CNTNAP2: variants seen among roughly 807,000 people sequenced by gnomAD.
The protein encoded by CNTNAP2 is contactin associated protein 2, also known as contactin-associated protein-like 2.
A neutral mutation model predicts 155.2 loss-of-function variants in CNTNAP2; 98 were observed. That is an observed-to-expected ratio of 0.63 (90% CI 0.54 to 0.75). The LOEUF (loss-of-function observed/expected upper bound fraction) is 0.75, where lower values mean the gene tolerates loss of function less well. Among genes scored for constraint, CNTNAP2 ranks in the 30% least tolerant of loss-of-function variants. The pLI, the probability that CNTNAP2 is intolerant of heterozygous loss-of-function variation, is 0.00. For missense variants in CNTNAP2, 1,727 were observed against 1,688.1 expected, an observed-to-expected ratio of 1.02 and a Z score of -0.40; for synonymous variants, 651 against 631.2, an observed-to-expected ratio of 1.03 and a Z score of -0.47.
At chr7:146,156,504 T>C (rs1003271629) in intron 1 of CNTNAP2, among the ~76,000 whole-genome samples, 5 of 152,236 alleles carry the variant, frequency 3.3e-5, no homozygotes, top group African/African-American at 9.6e-5. Context: ...CTTTCGCCTA[T>C]GCTAAACTTA....
At chr7:146,256,950 A>T (rs1054023863) in intron 1 of CNTNAP2, among the ~76,000 whole-genome samples, 22 of 152,226 alleles carry the variant, frequency 1.4e-4, no homozygotes, top group African/African-American at 5.1e-4. Flanking sequence ...TAGAAATGGC[A>T]TCCATAGGAT....
chr7:147,564,347 A>T (rs972504089), intron 12 of CNTNAP2, among the ~76,000 whole-genome samples: 2 of 152,164 alleles, frequency 1.3e-5, no homozygotes, highest in South Asian at 4.1e-4. Flanking sequence ...TTAATCTAAG[A>T]GTTCACTGAC....
Position 146,856,083 on chromosome 7 carries a change from A to C in CNTNAP2, c.402+16179A>C, listed in dbSNP as rs79783180. On this transcript the variant is annotated intron_variant, in intron 3 of 23. Transcript: ENST00000361727. The stretch of plus-strand genomic sequence containing the variant: ...AGAAAGAAAGGAAAAATGATGGTTA[A>C]TACAAAATTACATAAGAGCCAACTT... Among the ~76,000 whole-genome samples the C allele has an allele frequency of 1.9e-3, 127 of 66,048 alleles. 2 individuals carry two copies. In the East Asian group the frequency reaches 0.033, roughly 17 times the overall value. The allele number at this position is 66,048 out of a possible 152,430, so 43.3% of individuals were successfully genotyped here.
chr7:146,759,596 G>A (rs572512712), intron 1 of CNTNAP2, among the ~76,000 whole-genome samples: 16 of 149,284 alleles, frequency 1.1e-4, no homozygotes, highest in Non-Finnish European at 2.1e-4. Flanking sequence ...TCAGGAGGCC[G>A]AGGCAGGAGA....
chr7:146,373,457 A>G, intron 1 of CNTNAP2, among the ~76,000 whole-genome samples: 1 of 151,966 alleles, frequency 6.6e-6, no homozygotes, highest in Non-Finnish European at 1.5e-5. Flanking sequence ...CAAAGCATCA[A>G]AGGAAGCAAA....
rs953143089 is a variant in CNTNAP2 at position 146,166,653 on chromosome 7, T to A, written c.97+49680T>A. Among the ~76,000 whole-genome samples, 3 of 152,222 alleles carry A rather than the reference T, an allele frequency of 2.0e-5. No individual in the cohort carries two copies. The East Asian group carries it at 5.8e-4, about 29-fold the overall frequency. Reference sequence around the variant, plus strand: ...ACTAGAAAATAAACTTGGAAATTAATGAACATTTAAGCTATTTTTAAAAAA... The same window carrying A: ...ACTAGAAAATAAACTTGGAAATTAAAGAACATTTAAGCTATTTTTAAAAAA... On this transcript the variant is annotated intron_variant, in intron 1 of 23. Transcript: ENST00000361727.
intron 12 of CNTNAP2, among the ~76,000 whole-genome samples, chr7:147,608,016 G>A (rs1029640758): frequency 2.0e-5 from 3 of 152,056 alleles, no homozygotes; most frequent in African/African-American, 7.2e-5. Context: ...CTTATTTTGT[G>A]TATCTTCTTC....
At chr7:146,788,683 TTAGA>T (rs368336388) in intron 2 of CNTNAP2, among the ~76,000 whole-genome samples, 172 of 152,272 alleles carry the variant, frequency 1.1e-3, no homozygotes, top group South Asian at 3.3e-3. Context: ...TTTTTTTTAA[TTAGA>T]TAGATCAGTC....
In CNTNAP2 at chr7:148,061,358, A is replaced by G. The variant is rs1294138783; in HGVS notation, c.2384-56760A>G. Among the ~76,000 whole-genome samples, 6 of 151,488 alleles carry G rather than the reference A, an allele frequency of 4.0e-5. No homozygotes were observed. The South Asian group carries it at 8.4e-4, about 21-fold the overall frequency. On this transcript the variant is annotated intron_variant, in intron 15 of 23. Transcript: ENST00000361727. ...AAAGTGCCCACTTTTTAAATTTTTTATTATTTATTTTTTGAGACAGACTGT... is the reference window on the plus strand; with the variant it reads ...AAAGTGCCCACTTTTTAAATTTTTTGTTATTTATTTTTTGAGACAGACTGT...
At chr7:148,128,805 C>G (rs977052540) in intron 16 of CNTNAP2, among the ~76,000 whole-genome samples, 1 of 152,168 alleles carries the variant, frequency 6.6e-6, no homozygotes, top group African/African-American at 2.4e-5. Flanking sequence ...AGTGACATCT[C>G]TCTACAGATT....
chr7:146,467,651 C>A (rs978214666), intron 1 of CNTNAP2, among the ~76,000 whole-genome samples: 2 of 152,106 alleles, frequency 1.3e-5, no homozygotes, highest in Admixed American at 1.3e-4. Flanking sequence ...TGTTAGTTTC[C>A]TGATTTATAA....
Position 147,300,135 on chromosome 7 carries a change from T to C in CNTNAP2, c.1349-6T>C. 1 of 1,613,948 alleles carries C rather than the reference T, an allele frequency of 6.2e-7. No homozygotes were observed. The highest frequency in any genetic ancestry group is 8.5e-7 in the Non-Finnish European group (1 of 1,179,876). On this transcript the variant is annotated splice_polypyrimidine_tract_variant and splice_region_variant and intron_variant, in intron 8 of 23. Transcript: ENST00000361727. ...ATAAAAATGACTTTTATCTTGTACT[T>C]ACCAGGTTCTGGGTTGAATGATGGA...
At chr7:146,787,802 G>C (rs1448892110) in intron 2 of CNTNAP2, among the ~76,000 whole-genome samples, 1 of 152,070 alleles carries the variant, frequency 6.6e-6, no homozygotes, top group African/African-American at 2.4e-5. Flanking sequence ...TGCATTTACA[G>C]TCCTTTAGCT....
chr7:146,986,632 G>A lies in CNTNAP2; in HGVS notation c.403-57275G>A, dbSNP rs10276018. On this transcript the variant is annotated intron_variant, in intron 3 of 23. Coordinates refer to ENST00000361727, the MANE Select transcript of CNTNAP2 (RefSeq NM_014141.6). ...TTACATTCCCGCTAGCAGTGTAGAA[G>A]TGTTCCCTCTTCACTCCATCCACGC... Among the ~76,000 whole-genome samples the A allele has an allele frequency of 1.6e-3, 246 of 152,262 alleles. 1 individual carries two copies. The highest frequency in any genetic ancestry group is 5.6e-3 in the African/African-American group (233 of 41,560).
intron 22 of CNTNAP2, among the ~76,000 whole-genome samples, chr7:148,384,947 T>TATTA (rs1409811747): frequency 6.6e-6 from 1 of 152,226 alleles, no homozygotes; most frequent in African/African-American, 2.4e-5. Context: ...AATCTAATAT[T>TATTA]ATTATATTAG....
intron 15 of CNTNAP2, among the ~76,000 whole-genome samples, chr7:148,063,079 A>C (rs1803186474): frequency 6.6e-6 from 1 of 152,146 alleles, no homozygotes; most frequent in Non-Finnish European, 1.5e-5. Flanking sequence ...TATGTATCAG[A>C]ATATTATTTT....
chr7:148,109,356 T>G (rs1055224100), intron 15 of CNTNAP2, among the ~76,000 whole-genome samples: 1 of 127,062 alleles, frequency 7.9e-6, no homozygotes, highest in Non-Finnish European at 1.7e-5. Flanking sequence ...GAGAGGTGTT[T>G]TGTTTTGTTT....
intron 9 of CNTNAP2, among the ~76,000 whole-genome samples, chr7:147,332,230 AT>A (rs770927275): frequency 3.0e-4 from 46 of 152,306 alleles, no homozygotes; most frequent in African/African-American, 1.1e-3. Context: ...TATATGTACT[AT>A]GATGCGCTCT....
rs1256424994 is a variant in CNTNAP2 at position 146,173,381 on chromosome 7, T to C, written c.97+56408T>C. On this transcript the variant is annotated intron_variant, in intron 1 of 23. Coordinates refer to ENST00000361727, the MANE Select transcript of CNTNAP2 (RefSeq NM_014141.6). Reference sequence around the variant, plus strand: ...TAATAATTGAATTTTCCAGTTTGTTTGCTGTAAACATTGACCATTTAGAAA... The same window carrying C: ...TAATAATTGAATTTTCCAGTTTGTTCGCTGTAAACATTGACCATTTAGAAA... Among the ~76,000 whole-genome samples the C allele has an allele frequency of 4.6e-5, 7 of 152,312 alleles. No individual in the cohort carries two copies. The East Asian group carries it at 1.2e-3, about 25-fold the overall frequency.
Sources: allele counts gnomAD v4.1 joint callset (sites outside exome capture counted in the v4.1 genomes callset), GRCh38; gene constraint gnomAD v4.1.1; transcripts MANE v1.5; gene names NCBI Gene and HGNC (gene_info 2026-07-23, HGNC 2026-07-21).